The following KCNH3 variants were observed in gnomAD, a reference collection of about 807,000 sequenced individuals.
KCNH3 encodes potassium voltage-gated channel subfamily H member 3.
KCNH3 carries 36 observed loss-of-function variants against 95.6 expected under a neutral mutation model. The ratio of observed to expected loss-of-function variants is 0.38; its 90% CI spans 0.29 to 0.50. The LOEUF (loss-of-function observed/expected upper bound fraction) is 0.50, where lower values mean the gene tolerates loss of function less well. Among genes scored for constraint, KCNH3 ranks in the 20% least tolerant of loss-of-function variants. The pLI is 0.95. For missense variants in KCNH3, 1,030 were observed against 1,484.1 expected (o/e 0.69, Z 5.03); for synonymous variants, 620 against 646.3 (o/e 0.96, Z 0.62).
rs140813000 is a variant in KCNH3 at position 49,543,278 on chromosome 12, G to A, written c.583G>A (p.Val195Met). The change falls in exon 5 of 15, where the codon GTG becomes ATG. Residue 195 changes from valine (V) to methionine (M), a missense_variant. Around this residue, in one of 9 missense-constraint regions of KCNH3, gnomAD observed 92 missense variants for 92.7 expected, o/e 0.99. Transcript: ENST00000257981. ...PKGKHKLNKGVFGEKPNLPEY... is the reference protein window; with the variant it reads ...PKGKHKLNKGMFGEKPNLPEY... ...GGACCTGCCCTGCCTCACTCAGGGG[G>A]TGTTTGGGGAGAAACCAAACTTGCC... 70 of 1,613,328 alleles carry A rather than the reference G, an allele frequency of 4.3e-5. No individual in the cohort carries two copies. The highest frequency in any genetic ancestry group is 5.8e-5 in the Non-Finnish European group (68 of 1,180,026).
Position 49,556,401 on chromosome 12 carries a change from T to A in KCNH3, c.2500T>A (p.Ser834Thr), listed in dbSNP as rs1403877334. The change falls in exon 13 of 15, where the codon TCG (serine) becomes ACG (threonine). Residue 834 changes from serine (S) to threonine (T), a missense_variant. Ser to Thr is a moderately conservative substitution (Grantham distance 58). Around this residue, in one of 9 missense-constraint regions of KCNH3, gnomAD observed 464 missense variants for 493.2 expected, o/e 0.94. Transcript: ENST00000257981. ...VVDGIEDGCG[S>T]DQPKFSFRVG... is the part of the protein sequence containing the mutation. ...AGATGGCATTGAAGACGGCTGTGGC[T>A]CGGACCAGCCCAAGTTCTCTTTCCG... is the stretch of plus-strand genomic sequence containing the variant. 1.2e-6 allele frequency: 2 copies of A among 1,613,948 alleles called. No homozygotes were observed. The highest frequency in any genetic ancestry group is 1.7e-6 in the Non-Finnish European group (2 of 1,179,868).
chr12:49,549,733 G>C (rs956675659), intron 9 of KCNH3, 93 bp downstream of exon 9: 6 of 1,288,174 alleles, frequency 4.7e-6, no homozygotes, highest in Non-Finnish European at 6.4e-6. Flanking sequence ...GATGAATGCA[G>C]AATTTTGGCC....
At chr12:49,540,579 C>T (rs1417988705) in intron 1 of KCNH3, among the ~76,000 whole-genome samples, 2 of 152,138 alleles carry the variant, frequency 1.3e-5, no homozygotes, top group East Asian at 1.9e-4. Flanking sequence ...CAGGGCAGTC[C>T]TCATTAGGGA....
Position 49,557,388 on chromosome 12 carries a change from G to A in KCNH3, c.2687G>A (p.Arg896Gln), listed in dbSNP as rs753531500. 27 of 1,600,052 alleles carry A rather than the reference G, an allele frequency of 1.7e-5. No individual in the cohort carries two copies. Among genetic ancestry groups the A allele is most frequent in the African/African-American group, 2.7e-5 (2 of 74,750 alleles). Residue 896 changes from arginine to glutamine, a missense_variant, in exon 15 of 15, where the codon CGG (arginine) becomes CAG (glutamine). Coordinates refer to ENST00000257981, the MANE Select transcript of KCNH3 (RefSeq NM_012284.3). ...CTGTCAGAGCAGGTGCTGCAGATGC[G>A]GGAAGGACTGCAGTCACTTCGCCAG... ...TELSEQVLQM[R>Q]EGLQSLRQAV... is the part of the protein sequence containing the mutation.
In KCNH3 at chr12:49,548,887, C is replaced by G; in HGVS notation, c.1190-8C>G. Reference sequence around the variant, plus strand: ...CTGCCTGCTCAGGCCCTGCTGTTCCCCCCTCAGGCTGGCTGCAGGAGCTGG... The same window carrying G: ...CTGCCTGCTCAGGCCCTGCTGTTCCGCCCTCAGGCTGGCTGCAGGAGCTGG... On this transcript the variant is annotated splice_polypyrimidine_tract_variant and splice_region_variant and intron_variant, in intron 7 of 14. Coordinates refer to ENST00000257981, the MANE Select transcript of KCNH3 (RefSeq NM_012284.3). The G allele has an allele frequency of 6.4e-7, 1 of 1,559,082 alleles. No individual in the cohort carries two copies. Among genetic ancestry groups the G allele is most frequent in the East Asian group, 2.4e-5 (1 of 41,674 alleles).
At chr12:49,549,672 T>G (rs772820756) in intron 9 of KCNH3, 32 bp downstream of exon 9, 1 of 1,584,484 alleles carries the variant, frequency 6.3e-7, no homozygotes, top group South Asian at 1.1e-5. Context: ...CTGCTAGCCT[T>G]TGCTCCCTCA....
At chr12:49,543,671 C>A in intron 5 of KCNH3, 153 bp downstream of exon 5, 1 of 1,149,080 alleles carries the variant, frequency 8.7e-7, no homozygotes, top group Non-Finnish European at 1.2e-6. Context: ...AGGTTCCAAA[C>A]ATCTGCCACT....
rs1417310757 is a variant in KCNH3, at chr12:49,549,055, C to A, written c.1350C>A (p.Ser450Arg). ...LELLGGPSLRSAYITSLYFAL... is the reference protein window; with the variant it reads ...LELLGGPSLRRAYITSLYFAL... ...TGCTGGGCGGCCCGTCGCTGCGCAG[C>A]GCCTACATCACCTCCCTCTACTTCG... Residue 450 changes from serine to arginine, a missense_variant, in exon 8 of 15, where the codon AGC becomes AGA. Transcript: ENST00000257981. The A allele has an allele frequency of 1.2e-6, 2 of 1,612,418 alleles. No homozygotes were observed. The highest frequency in any genetic ancestry group is 1.7e-6 in the Non-Finnish European group (2 of 1,179,764).
At chr12:49,542,570 C>T in intron 3 of KCNH3, 136 bp from the exon 4 acceptor site, 1 of 1,048,706 alleles carries the variant, frequency 9.5e-7, no homozygotes, top group African/African-American at 1.6e-5. Context: ...AATACCTGAG[C>T]CCCCAACTCT....
Position 49,543,265 on chromosome 12 carries a change from C to G in KCNH3, c.580-10C>G. The G allele has an allele frequency of 6.2e-7, 1 of 1,612,820 alleles. No homozygotes were observed. Among genetic ancestry groups the G allele is most frequent in the Non-Finnish European group, 8.5e-7 (1 of 1,179,822 alleles). Reference sequence around the variant, plus strand: ...TTCCTCTCTGCCTGGACCTGCCCTGCCTCACTCAGGGGGTGTTTGGGGAGA... The same window carrying G: ...TTCCTCTCTGCCTGGACCTGCCCTGGCTCACTCAGGGGGTGTTTGGGGAGA... On this transcript the variant is annotated splice_polypyrimidine_tract_variant and intron_variant, in intron 4 of 14. Coordinates refer to ENST00000257981, the MANE Select transcript of KCNH3 (RefSeq NM_012284.3).
chr12:49,546,837 G>GT (rs1348078367), intron 7 of KCNH3, among the ~76,000 whole-genome samples: 2 of 152,302 alleles, frequency 1.3e-5, no homozygotes, highest in Admixed American at 1.3e-4. Flanking sequence ...TTGGCTTTGG[G>GT]TAGCTTCACC....
Position 49,539,656 on chromosome 12 carries a change from GT to G in KCNH3, c.76+167del, listed in dbSNP as rs1221249062. On this transcript the variant is annotated intron_variant, in intron 1 of 14. Transcript: ENST00000257981. This position sits in a 1 kb window ranked among gnomAD's most constrained non-coding sequence, Gnocchi z 6.7. ...GGGCCATCGTCTCCTGCTAGGCGCT[GT>G]TTCCCCGAAGGTTCGAAGGTTCGGG... Among the ~76,000 whole-genome samples the G allele has an allele frequency of 6.6e-6, 1 of 152,144 alleles. No homozygotes were observed. The highest frequency in any genetic ancestry group is 2.4e-5 in the African/African-American group (1 of 41,430).
intron 10 of KCNH3, among the ~76,000 whole-genome samples, chr12:49,550,916 G>C (rs561776879): frequency 6.6e-6 from 1 of 152,360 alleles, no homozygotes; most frequent in South Asian, 2.1e-4. Flanking sequence ...TGAAGAAATT[G>C]CAGGTGTGGA....
chr12:49,540,669 C>G (rs530843399), intron 1 of KCNH3, among the ~76,000 whole-genome samples: 1 of 152,224 alleles, frequency 6.6e-6, no homozygotes, highest in Non-Finnish European at 1.5e-5. Flanking sequence ...CTTCATTCAC[C>G]GACCTCAGTT....
chr12:49,554,238 A>G, intron 10 of KCNH3, 99 bp from the exon 11 acceptor site: 1 of 941,432 alleles, frequency 1.1e-6, no homozygotes, highest in Non-Finnish European at 1.7e-6. Flanking sequence ...ACAGAGGCCC[A>G]GCCCAGCTCT....
intron 10 of KCNH3, among the ~76,000 whole-genome samples, chr12:49,550,919 G>C (rs953953787): frequency 6.6e-6 from 1 of 152,222 alleles, no homozygotes; most frequent in African/African-American, 2.4e-5. Flanking sequence ...AGAAATTGCA[G>C]GTGTGGAATG....
chr12:49,550,043 T>TGCCCCCCC, intron 9 of KCNH3, 37 bp from the exon 10 acceptor site: 92 of 1,299,512 alleles, frequency 7.1e-5, no homozygotes, highest in Non-Finnish European at 8.9e-5. Flanking sequence ...CTTCTGCCAC[T>TGCCCCCCC]CCCAACCCCC....
rs2138137956 is a variant in KCNH3 at position 49,541,775 on chromosome 12, G to A, written c.445+11G>A. The A allele has an allele frequency of 6.2e-7, 1 of 1,613,868 alleles. No homozygotes were observed. The highest frequency in any genetic ancestry group is 8.5e-7 in the Non-Finnish European group (1 of 1,179,974). ...GATGGAAGGAGACAGGTAGGTGCAT[G>A]TAGGTGCTGTGGTCGGGGTATTGGG... On this transcript the variant is annotated intron_variant, in intron 3 of 14. Transcript: ENST00000257981.
intron 7 of KCNH3, among the ~76,000 whole-genome samples, chr12:49,545,550 G>A (rs1337380858): frequency 1.3e-5 from 2 of 151,862 alleles, no homozygotes; most frequent in Admixed American, 6.6e-5. Context: ...CCGCCAGCAC[G>A]CCGGCTAATT....
Sources: allele counts gnomAD v4.1 joint callset (sites outside exome capture counted in the v4.1 genomes callset), GRCh38; gene constraint gnomAD v4.1.1; regional missense constraint gnomAD v4.1.1; non-coding constraint Gnocchi (gnomAD v3.1); transcripts MANE v1.5; gene names NCBI Gene and HGNC (gene_info 2026-07-23, HGNC 2026-07-21).